Variants in LRMDA observed in about 807,000 individuals in gnomAD.
LRMDA encodes leucine-rich melanocyte differentiation-associated protein.
Under a neutral mutation model 29.8 loss-of-function variants are expected in LRMDA, and 18 were observed. That is an observed-to-expected ratio of 0.60 (90% confidence interval 0.42 to 0.90). The LOEUF is 0.90. Ranked by LOEUF, LRMDA falls within the 40% of genes least tolerant of loss-of-function variation. The pLI, the probability that LRMDA is intolerant of heterozygous loss-of-function variation, is 0.00. For missense variants in LRMDA, 273 were observed against 273.9 expected (o/e 1.00, Z 0.02); for synonymous variants, 125 against 109.4 (o/e 1.14, Z -0.89).
chr10:76,110,907 C>T (rs1195739339), intron 5 of LRMDA, among the ~76,000 whole-genome samples: 1 of 152,148 alleles, frequency 6.6e-6, no homozygotes, highest in Non-Finnish European at 1.5e-5. Flanking sequence ...TGCTTCACCT[C>T]ATCCCACTGC....
At chr10:75,707,609 G>T (rs1466299207) in intron 2 of LRMDA, among the ~76,000 whole-genome samples, 1 of 152,148 alleles carries the variant, frequency 6.6e-6, no homozygotes, top group Non-Finnish European at 1.5e-5. Flanking sequence ...GGTCTGCAGT[G>T]TCTTCTCCCC....
chr10:75,904,350 G>T (rs1044450632), intron 2 of LRMDA, among the ~76,000 whole-genome samples: 1 of 152,140 alleles, frequency 6.6e-6, no homozygotes, highest in African/African-American at 2.4e-5. Context: ...AAGTCTTTTT[G>T]TCTATTAATT....
chr10:75,862,816 G>A (rs1015054683), intron 2 of LRMDA, among the ~76,000 whole-genome samples: 2 of 152,094 alleles, frequency 1.3e-5, no homozygotes, highest in African/African-American at 2.4e-5. Context: ...TTTTCTGTTC[G>A]CTTCACTTCC....
chr10:76,514,545 G>A (rs1843040533), intron 6 of LRMDA, among the ~76,000 whole-genome samples: 1 of 152,178 alleles, frequency 6.6e-6, no homozygotes, highest in Admixed American at 6.5e-5. Context: ...TTGAGTGAAG[G>A]AAGGAGCAAA....
intron 2 of LRMDA, among the ~76,000 whole-genome samples, chr10:75,983,154 G>A (rs1847203834): frequency 6.6e-6 from 1 of 152,196 alleles, no homozygotes; most frequent in Non-Finnish European, 1.5e-5. Context: ...CTAGATGTGA[G>A]TAATGTGGGC....
At chr10:76,318,286 T>G (rs1448137426) in intron 5 of LRMDA, 1 of 152,290 alleles carries the variant, frequency 6.6e-6, no homozygotes, top group Admixed American at 6.5e-5. Context: ...TCCTTTTCTT[T>G]TTCCTTCCCT....
chr10:76,142,054 C>T (rs1347863898), intron 5 of LRMDA, among the ~76,000 whole-genome samples: 2 of 151,988 alleles, frequency 1.3e-5, no homozygotes, highest in Non-Finnish European at 2.9e-5. Flanking sequence ...AACTTTTCAC[C>T]TTGTCTCTAT....
intron 5 of LRMDA, among the ~76,000 whole-genome samples, chr10:76,254,366 A>ATGCTATGCTC: frequency 7.0e-6 from 1 of 143,412 alleles, no homozygotes; most frequent in Non-Finnish European, 1.5e-5. Flanking sequence ...ATCCTATGCT[A>ATGCTATGCTC]TGCTATGCTA....
At chr10:76,225,688 G>A (rs1851940373) in intron 5 of LRMDA, among the ~76,000 whole-genome samples, 1 of 95,898 alleles carries the variant, frequency 1.0e-5, no homozygotes, top group South Asian at 4.3e-4. Flanking sequence ...CTGAGACTGG[G>A]TAATTTATTT....
chr10:76,447,717 A>G (rs541475488), intron 6 of LRMDA, among the ~76,000 whole-genome samples: 90 of 152,016 alleles, frequency 5.9e-4, no homozygotes, highest in African/African-American at 2.0e-3. Flanking sequence ...AATTTTTCTC[A>G]TTTTACCCAT....
At chr10:76,376,066 T>C (rs990107115) in intron 6 of LRMDA, among the ~76,000 whole-genome samples, 4 of 152,090 alleles carry the variant, frequency 2.6e-5, no homozygotes, top group African/African-American at 4.8e-5. Flanking sequence ...TGAATAGTGA[T>C]GAAGAGTGGG....
chr10:76,297,052 C>T (rs1840419590), intron 5 of LRMDA, among the ~76,000 whole-genome samples: 1 of 152,244 alleles, frequency 6.6e-6, no homozygotes, highest in African/African-American at 2.4e-5. Context: ...CTATCACTCA[C>T]ACAATGGCCC....
At chr10:75,949,142 C>T (rs960839597) in intron 2 of LRMDA, among the ~76,000 whole-genome samples, 1 of 152,080 alleles carries the variant, frequency 6.6e-6, no homozygotes, top group African/African-American at 2.4e-5. Context: ...AGTGTTTGTT[C>T]ACTCTACAAA....
chr10:75,968,463 C>T (rs989788839), intron 2 of LRMDA, among the ~76,000 whole-genome samples: 1 of 152,170 alleles, frequency 6.6e-6, no homozygotes, highest in Non-Finnish European at 1.5e-5. Context: ...CTACTAAGCT[C>T]TTAAGTTCCA....
intron 2 of LRMDA, among the ~76,000 whole-genome samples, chr10:75,589,637 G>T (rs187466629): frequency 1.1e-4 from 16 of 152,218 alleles, no homozygotes; most frequent in African/African-American, 3.9e-4. Flanking sequence ...GTTAGTATGA[G>T]CCTATAGTCC....
intron 2 of LRMDA, among the ~76,000 whole-genome samples, chr10:75,877,865 T>C (rs993484924): frequency 6.6e-6 from 1 of 152,094 alleles, no homozygotes. Context: ...TTAGCACAAA[T>C]GAAGCAGACT....
chr10:75,950,536 T>A (rs1025724920), intron 2 of LRMDA, among the ~76,000 whole-genome samples: 2 of 152,250 alleles, frequency 1.3e-5, no homozygotes, highest in Admixed American at 6.5e-5. Context: ...TGTTCTGAGA[T>A]GTTCATTCCT....
chr10:75,603,184 T>G (rs532835706), intron 2 of LRMDA, among the ~76,000 whole-genome samples: 102 of 152,234 alleles, frequency 6.7e-4, no homozygotes, highest in Non-Finnish European at 1.2e-3. Context: ...TTAAAGTTTT[T>G]TTTTTTTTTT....
intron 2 of LRMDA, among the ~76,000 whole-genome samples, chr10:75,780,219 C>T (rs1277881380): frequency 6.6e-6 from 1 of 152,200 alleles, no homozygotes; most frequent in Non-Finnish European, 1.5e-5. Context: ...TAAGTCATTG[C>T]ATTTATTGTC....
Sources: allele counts gnomAD v4.1 joint callset (sites outside exome capture counted in the v4.1 genomes callset), GRCh38; gene constraint gnomAD v4.1.1; transcripts MANE v1.5; gene names NCBI Gene and HGNC (gene_info 2026-07-23, HGNC 2026-07-21).